Variants in MANBA observed in about 807,000 individuals in gnomAD.
MANBA encodes mannosidase beta.
MANBA carries 83 observed loss-of-function variants against 111.1 expected under a neutral mutation model. That is an observed-to-expected ratio of 0.75 (90% CI 0.63 to 0.90). The LOEUF (loss-of-function observed/expected upper bound fraction) is 0.90, where lower values mean the gene tolerates loss of function less well. Among genes scored for constraint, MANBA ranks in the 40% least tolerant of loss-of-function variants. MANBA has a pLI of 0.00. For missense variants in MANBA, 1,036 were observed against 1,069.0 expected, an observed-to-expected ratio of 0.97 and a Z score of 0.43; for synonymous variants, 370 against 378.7, an observed-to-expected ratio of 0.98 and a Z score of 0.27.
chr4:102,694,565 G>A (rs1732622499), intron 5 of MANBA, among the ~76,000 whole-genome samples: 1 of 152,062 alleles, frequency 6.6e-6, no homozygotes, highest in African/African-American at 2.4e-5. Flanking sequence ...ACCATGTCTT[G>A]AAGAACACTT....
Position 102,735,879 on chromosome 4 carries a change from G to T in MANBA, c.178-9196C>A, listed in dbSNP as rs188392500. On this transcript the variant is annotated intron_variant, in intron 1 of 16. Transcript: ENST00000647097. ...AGAAACTAAAGCTCCAAAAAGTGAA[G>T]TAGCTTTCCTGAGGTGCCACAACTA... 8.5e-4 allele frequency among the ~76,000 whole-genome samples: 130 copies of T among 152,316 alleles called. 2 individuals are homozygous for T. The highest frequency in any genetic ancestry group is 1.7e-3 in the Non-Finnish European group (114 of 68,024).
intron 5 of MANBA, among the ~76,000 whole-genome samples, chr4:102,709,371 A>AAAGG (rs758135413): frequency 6.9e-6 from 1 of 144,032 alleles, no homozygotes; most frequent in African/African-American, 2.6e-5. Context: ...AAAGAAAAAG[A>AAAGG]AAGGAAGGAA....
intron 1 of MANBA, among the ~76,000 whole-genome samples, chr4:102,748,600 T>TA (rs1211558197): frequency 6.6e-6 from 1 of 152,180 alleles, no homozygotes; most frequent in Non-Finnish European, 1.5e-5. Context: ...ATGCTTTTCA[T>TA]AACATAGCCT....
chr4:102,725,164 T>G (rs1457686833), intron 2 of MANBA, among the ~76,000 whole-genome samples: 1 of 152,118 alleles, frequency 6.6e-6, no homozygotes, highest in Admixed American at 6.5e-5. Context: ...GTTCTAAAAT[T>G]GATTGTGGTG....
chr4:102,658,034 C>T (rs531108564), intron 11 of MANBA, 134 bp from the exon 12 acceptor site: 2 of 703,628 alleles, frequency 2.8e-6, no homozygotes, highest in South Asian at 1.5e-5. Flanking sequence ...GACCACTTAC[C>T]TTCTTCCCTA....
chr4:102,709,423 A>G (rs1013950109), intron 5 of MANBA, among the ~76,000 whole-genome samples: 2 of 128,346 alleles, frequency 1.6e-5, no homozygotes, highest in Admixed American at 7.7e-5. Context: ...AAGAAAGAGA[A>G]AGAGAGAGAG....
At chr4:102,690,515 C>G (rs907328102) in intron 6 of MANBA, 81 bp downstream of exon 6, 2 of 1,343,086 alleles carry the variant, frequency 1.5e-6, no homozygotes, top group Admixed American at 1.7e-5. Context: ...TTCTTTCATA[C>G]TTAGTCCCTC....
chr4:102,642,028 T>C (rs1174574510), intron 13 of MANBA, among the ~76,000 whole-genome samples: 1 of 151,942 alleles, frequency 6.6e-6, no homozygotes, highest in Non-Finnish European at 1.5e-5. Flanking sequence ...GACCTGAATC[T>C]ATCCAAACCA....
intron 12 of MANBA, among the ~76,000 whole-genome samples, chr4:102,655,206 T>C (rs902952422): frequency 5.3e-5 from 8 of 152,236 alleles, no homozygotes; most frequent in African/African-American, 1.9e-4. Flanking sequence ...TGTTCATGCA[T>C]CAGAAGATTT....
At chr4:102,749,862 G>T (rs748761682) in intron 1 of MANBA, among the ~76,000 whole-genome samples, 1 of 152,182 alleles carries the variant, frequency 6.6e-6, no homozygotes, top group Admixed American at 6.5e-5. Flanking sequence ...ACCAGCCAAC[G>T]CTTACCTAAA....
intron 9 of MANBA, among the ~76,000 whole-genome samples, chr4:102,670,655 A>T (rs973858972): frequency 4.3e-4 from 65 of 152,052 alleles, no homozygotes; most frequent in African/African-American, 1.5e-3. Context: ...GCCAGCCTGG[A>T]CAACACGGTG....
At chr4:102,714,042 T>C (rs1207102895) in intron 5 of MANBA, among the ~76,000 whole-genome samples, 1 of 151,684 alleles carries the variant, frequency 6.6e-6, no homozygotes, top group Non-Finnish European at 1.5e-5. Flanking sequence ...ATGAAGAAAA[T>C]GTACAGAGAC....
At chr4:102,701,226 A>C (rs958175749) in intron 5 of MANBA, among the ~76,000 whole-genome samples, 1 of 151,306 alleles carries the variant, frequency 6.6e-6, no homozygotes, top group African/African-American at 2.4e-5. Context: ...ATCTTCCTCC[A>C]TCCTTTTATT....
chr4:102,689,584 T>G lies in MANBA; in HGVS notation c.950A>C (p.Lys317Thr), dbSNP rs767645658. The G allele has an allele frequency of 6.9e-6, 11 of 1,583,904 alleles. No homozygotes were observed. The highest frequency in any genetic ancestry group is 7.8e-6 in the Non-Finnish European group (9 of 1,155,524). ...FELDGGLNIEKSAKVYFRTVE... is the reference protein window; with the variant it reads ...FELDGGLNIETSAKVYFRTVE... ...AAATTACTTACTTACCTTAGCTGAT[T>G]TTTCAATATTTAAGCCTCCATCCAG... Residue 317 changes from lysine (K) to threonine (T), a missense_variant, in exon 7 of 17, where the codon AAA becomes ACA. Transcript: ENST00000647097.
intron 14 of MANBA, among the ~76,000 whole-genome samples, chr4:102,637,392 CAGA>C (rs1173127275): frequency 1.1e-4 from 16 of 152,338 alleles, no homozygotes; most frequent in African/African-American, 3.8e-4. Flanking sequence ...GACACTCATT[CAGA>C]AGGTGTCCTG....
intron 5 of MANBA, among the ~76,000 whole-genome samples, chr4:102,691,573 A>T (rs1197656362): frequency 6.7e-6 from 1 of 149,392 alleles, no homozygotes; most frequent in Non-Finnish European, 1.5e-5. Flanking sequence ...TCACACAATC[A>T]TAGCTCACTG....
chr4:102,730,948 C>T (rs1247076095), intron 1 of MANBA, among the ~76,000 whole-genome samples: 1 of 152,086 alleles, frequency 6.6e-6, no homozygotes. Flanking sequence ...AACTGCACAT[C>T]TCACACGCTC....
chr4:102,657,230 G>GGT (rs1338223430), intron 12 of MANBA, among the ~76,000 whole-genome samples: 3 of 111,898 alleles, frequency 2.7e-5, no homozygotes, highest in Non-Finnish European at 5.5e-5. Context: ...GGTGGGGGGG[G>GGT]GGTGGGCGGT....
In MANBA at chr4:102,670,154, CAA is replaced by C. The variant is rs70937560; in HGVS notation, c.1231-1107_1231-1106del. Among the ~76,000 whole-genome samples, 425 of 107,904 alleles carry C rather than the reference CAA, an allele frequency of 3.9e-3. 1 individual carries two copies. The highest frequency in any genetic ancestry group is 0.017 in the African/African-American group (395 of 23,592). The allele number at this position is 107,904 out of a possible 152,430, so 70.8% of individuals were successfully genotyped here. ...TAGGCAACAGAGCCAGACTCCATATCAAAAAAAAAAAAAAAAAAAAAAAGATC... is the reference window on the plus strand; with the variant it reads ...TAGGCAACAGAGCCAGACTCCATATCAAAAAAAAAAAAAAAAAAAAAGATC... On this transcript the variant is annotated intron_variant, in intron 9 of 16. Transcript: ENST00000647097.
Sources: allele counts gnomAD v4.1 joint callset (sites outside exome capture counted in the v4.1 genomes callset), GRCh38; gene constraint gnomAD v4.1.1; transcripts MANE v1.5; gene names NCBI Gene and HGNC (gene_info 2026-07-23, HGNC 2026-07-21).